The following CD44 variants were observed in gnomAD, a reference collection of about 807,000 sequenced individuals.
The protein encoded by CD44 is CD44 molecule (IN blood group), also known as CD44 antigen.
A neutral mutation model predicts 88.8 loss-of-function variants in CD44; 49 were observed. That is an observed-to-expected ratio of 0.55 (90% CI 0.44 to 0.70). The LOEUF is 0.70. CD44 is among the 30% of genes least tolerant of loss of function. CD44 has a pLI of 0.00. For synonymous variants in CD44, 325 were observed against 312.3 expected (o/e 1.04, Z -0.43); for missense variants, 883 against 913.8 (o/e 0.97, Z 0.43).
At chr11:35,164,930 T>A (rs1461611542) in intron 1 of CD44, among the ~76,000 whole-genome samples, 6 of 152,226 alleles carry the variant, frequency 3.9e-5, no homozygotes, top group Non-Finnish European at 8.8e-5. Context: ...GGTTTCCAAA[T>A]GCTTTGGAGC....
chr11:35,204,335 T>A (rs920555569), intron 9 of CD44, among the ~76,000 whole-genome samples, 177 bp from the exon 10 acceptor site: 3 of 152,208 alleles, frequency 2.0e-5, no homozygotes, highest in African/African-American at 7.2e-5. Flanking sequence ...AAATTAAACA[T>A]TTGGATCATT....
In CD44 at chr11:35,149,068, C is replaced by T. The variant is rs78633342; in HGVS notation, c.67+9698C>T. Among the ~76,000 whole-genome samples, 1,076 of 152,248 alleles carry T rather than the reference C, an allele frequency of 7.1e-3. 9 individuals carry two copies. Among genetic ancestry groups the T allele is most frequent in the Non-Finnish European group, 0.012 (789 of 68,010 alleles). On this transcript the variant is annotated intron_variant, in intron 1 of 17. Coordinates refer to ENST00000428726, the MANE Select transcript of CD44 (RefSeq NM_000610.4). ...GCTAATTGTATTTTGTCCAGTAGAA[C>T]GGGGATCTGGATTTCCTATAGGTCT...
intron 5 of CD44, 59 bp downstream of exon 5, chr11:35,190,124 C>T: frequency 7.0e-7 from 1 of 1,420,080 alleles, no homozygotes; most frequent in Non-Finnish European, 1.0e-6. Flanking sequence ...ATGTCTCTGA[C>T]CTTCCTGAGC....
At position 35,195,510 on chromosome 11, in the gene CD44, G is replaced by A. The variant is rs570067156; in HGVS notation, c.668-1236G>A. On this transcript the variant is annotated intron_variant, in intron 5 of 17. Transcript: ENST00000428726. The stretch of plus-strand genomic sequence containing the variant: ...TCTTCATAGGACAAAGAATGTGAAG[G>A]AAAAGGTCTTTTTGGCAGTGTTTCA... Among the ~76,000 whole-genome samples, 5 of 152,114 alleles carry A rather than the reference G, an allele frequency of 3.3e-5. No homozygotes were observed. The East Asian group carries it at 5.8e-4, about 18-fold the overall frequency.
chr11:35,156,571 C>T (rs888049237), intron 1 of CD44, among the ~76,000 whole-genome samples: 11 of 152,138 alleles, frequency 7.2e-5, no homozygotes, highest in South Asian at 2.1e-4. Flanking sequence ...TTAGACTGGC[C>T]GGCTGGTTCC....
intron 1 of CD44, among the ~76,000 whole-genome samples, chr11:35,150,271 G>T (rs1860054170): frequency 6.6e-6 from 1 of 152,000 alleles, no homozygotes; most frequent in South Asian, 2.1e-4. Context: ...ATGCAACTAG[G>T]GTAGCCTGAG....
At chr11:35,214,982 G>T in intron 15 of CD44, 68 bp downstream of exon 15, 2 of 916,670 alleles carry the variant, frequency 2.2e-6, no homozygotes, top group Non-Finnish European at 3.2e-6. Flanking sequence ...TACCAACGAA[G>T]TATGAGTCAG....
chr11:35,182,009 G>GTATATATAAATATATACATATATATT (rs1565081892), intron 3 of CD44, among the ~76,000 whole-genome samples: 1 of 110,310 alleles, frequency 9.1e-6, no homozygotes, highest in African/African-American at 3.5e-5. Context: ...TTATATATAT[G>GTATATATAAATATATACATATATATT]TATATATGTA....
intron 5 of CD44, 45 bp downstream of exon 5, chr11:35,190,110 C>A: frequency 1.3e-6 from 2 of 1,508,034 alleles, no homozygotes; most frequent in Non-Finnish European, 1.8e-6. Context: ...AATTCCCTGG[C>A]AAAATGTCTC....
At chr11:35,211,613 T>C (rs1282487145) in intron 14 of CD44, among the ~76,000 whole-genome samples, 164 bp downstream of exon 14, 4 of 152,174 alleles carry the variant, frequency 2.6e-5, no homozygotes, top group Non-Finnish European at 5.9e-5. Flanking sequence ...TAAACTTGGG[T>C]ATATTTTAGA....
intron 10 of CD44, among the ~76,000 whole-genome samples, chr11:35,205,108 C>T (rs1490831322): frequency 1.3e-5 from 2 of 152,202 alleles, no homozygotes; most frequent in Non-Finnish European, 2.9e-5. Flanking sequence ...TGTCTGATGT[C>T]ATTTGGCCTT....
At chr11:35,222,900 T>C in intron 17 of CD44, 3 of 985,398 alleles carry the variant, frequency 3.0e-6, no homozygotes, top group Non-Finnish European at 3.6e-6. Context: ...CCCCTCAGTC[T>C]GGGAGAAGAC....
chr11:35,158,758 A>G (rs1942227148), intron 1 of CD44, among the ~76,000 whole-genome samples: 2 of 152,234 alleles, frequency 1.3e-5, no homozygotes. Flanking sequence ...AGCTGACACT[A>G]TGTGCATACA....
At chr11:35,204,033 C>T (rs1477965161) in intron 9 of CD44, among the ~76,000 whole-genome samples, 2 of 152,174 alleles carry the variant, frequency 1.3e-5, no homozygotes, top group Non-Finnish European at 2.9e-5. Context: ...ACTGCTGGTG[C>T]ATTTCCAGTG....
In CD44 at chr11:35,231,796, G is replaced by A. The variant is rs1206863124; in HGVS notation, c.*2463G>A. ...AAACTGGGTCTTTATAAAAGTAAAA[G>A]GCCAACATTTAATTATTTTGCAAAG... On this transcript the variant is annotated 3_prime_UTR_variant, in exon 18 of 18. Coordinates refer to ENST00000428726, the MANE Select transcript of CD44 (RefSeq NM_000610.4). 6.6e-6 allele frequency: 1 copy of A among 152,160 alleles called. No homozygotes were observed. Among genetic ancestry groups the A allele is most frequent in the Non-Finnish European group, 1.5e-5 (1 of 68,024 alleles). The allele number at this position is 152,160 out of a possible 1,614,324, so 9.4% of individuals were successfully genotyped here.
intron 1 of CD44, among the ~76,000 whole-genome samples, chr11:35,165,030 C>T (rs1398384414): frequency 6.6e-6 from 1 of 152,138 alleles, no homozygotes; most frequent in African/African-American, 2.4e-5. Flanking sequence ...TCCACCAAGG[C>T]TCTTAGGGCT....
intron 1 of CD44, 134 bp downstream of exon 1, chr11:35,139,504 C>A: frequency 1.2e-6 from 1 of 811,052 alleles, no homozygotes; most frequent in East Asian, 2.5e-5. Flanking sequence ...CATTGGGCTC[C>A]GGAAAGCAGG....
In CD44 at chr11:35,181,543, T is replaced by C. The variant is rs534771495; in HGVS notation, c.367+1136T>C. ...TTGGGTGAAGGGAAAGATGAAGCCT[T>C]GAGGTAAACTTGGTACATCTTGCTG... On this transcript the variant is annotated intron_variant, in intron 3 of 17. Coordinates refer to ENST00000428726, the MANE Select transcript of CD44 (RefSeq NM_000610.4). Among the ~76,000 whole-genome samples the C allele has an allele frequency of 6.6e-5, 10 of 151,232 alleles. No homozygotes were observed. In the South Asian group the frequency reaches 2.1e-3, roughly 31 times the overall value.
chr11:35,206,332 T>C, intron 11 of CD44, 89 bp downstream of exon 11: 2 of 1,363,604 alleles, frequency 1.5e-6, no homozygotes, highest in South Asian at 3.1e-5. Flanking sequence ...GCCCTTGGTT[T>C]TAGACCAAAC....
Sources: allele counts gnomAD v4.1 joint callset (sites outside exome capture counted in the v4.1 genomes callset), GRCh38; gene constraint gnomAD v4.1.1; transcripts MANE v1.5; gene names NCBI Gene and HGNC (gene_info 2026-07-23, HGNC 2026-07-21).